CNOT4: variants seen among roughly 807,000 people sequenced by gnomAD.
CNOT4 encodes the protein CCR4-associated factor 4.
CNOT4 carries 8 observed loss-of-function variants against 73.8 expected under a neutral mutation model. That is an observed-to-expected ratio of 0.11 (90% CI 0.06 to 0.20). The LOEUF is 0.20. Among genes scored for constraint, CNOT4 ranks in the 10% least tolerant of loss-of-function variants. CNOT4 has a pLI of 1.00. For missense variants in CNOT4, 564 were observed against 883.4 expected (o/e 0.64, Z 4.58); for synonymous variants, 293 against 321.1 (o/e 0.91, Z 0.94).
chr7:135,461,711 A>T (rs1048464934), intron 1 of CNOT4, among the ~76,000 whole-genome samples: 4 of 152,076 alleles, frequency 2.6e-5, no homozygotes, highest in African/African-American at 9.7e-5. Context: ...GCACCCCTAT[A>T]ATTATGGCTA....
At chr7:135,396,774 A>C (rs1177777989) in intron 8 of CNOT4, among the ~76,000 whole-genome samples, 1 of 152,160 alleles carries the variant, frequency 6.6e-6, no homozygotes, top group African/African-American at 2.4e-5. Context: ...TTATCTCAAC[A>C]CTTACATCTT....
intron 7 of CNOT4, among the ~76,000 whole-genome samples, chr7:135,404,207 G>C (rs1183559134): frequency 2.6e-5 from 4 of 152,204 alleles, no homozygotes; most frequent in African/African-American, 9.7e-5. Context: ...GGAAGATTCT[G>C]AGATATAAAC....
intron 2 of CNOT4, among the ~76,000 whole-genome samples, chr7:135,434,070 C>T (rs566362888): frequency 6.6e-6 from 1 of 152,334 alleles, no homozygotes; most frequent in East Asian, 1.9e-4. Flanking sequence ...TAGCTCCCTA[C>T]TTGCATCTCC....
intron 10 of CNOT4, among the ~76,000 whole-genome samples, chr7:135,367,405 G>A (rs1794973204): frequency 6.6e-6 from 1 of 152,126 alleles, no homozygotes; most frequent in African/African-American, 2.4e-5. Context: ...TTGTAGATAG[G>A]TTGTATAAGG....
At chr7:135,434,668 C>T (rs972408832) in intron 2 of CNOT4, among the ~76,000 whole-genome samples, 4 of 152,106 alleles carry the variant, frequency 2.6e-5, no homozygotes, top group African/African-American at 9.7e-5. Flanking sequence ...TAACTGACAC[C>T]AAAATCTGTA....
intron 10 of CNOT4, among the ~76,000 whole-genome samples, chr7:135,370,978 C>T (rs1407488000): frequency 6.6e-6 from 1 of 152,148 alleles, no homozygotes; most frequent in Non-Finnish European, 1.5e-5. Context: ...TTATTAAAAA[C>T]AAATACTCCA....
Position 135,395,823 on chromosome 7 carries a change from G to C in CNOT4, c.940C>G (p.Pro314Ala). Reference protein sequence around the residue: ...PGLSKSNPVIPISSSNHSARS... With the variant: ...PGLSKSNPVIAISSSNHSARS... ...GCACTGTGATTGGATGAACTGATGG[G>C]GATGACTGGATTGGATTTTGACAAA... is the stretch of plus-strand genomic sequence containing the variant. Residue 314 changes from proline (P) to alanine (A), a missense_variant, in exon 9 of 12, where the codon CCC (proline) becomes GCC (alanine). This residue lies in a region of CNOT4 where 135 missense variants were observed against 154.0 expected (regional missense o/e 0.88). Transcript: ENST00000541284. 1 of 1,612,092 alleles carries C rather than the reference G, an allele frequency of 6.2e-7. No homozygotes were observed.
intron 1 of CNOT4, among the ~76,000 whole-genome samples, chr7:135,457,961 T>C (rs1433625057): frequency 1.3e-5 from 2 of 152,124 alleles, no homozygotes; most frequent in Non-Finnish European, 2.9e-5. Context: ...TCAATGAATA[T>C]TATATTCTAC....
intron 9 of CNOT4, 108 bp downstream of exon 9, chr7:135,395,526 G>A: frequency 7.9e-7 from 1 of 1,258,246 alleles, no homozygotes; most frequent in Non-Finnish European, 1.1e-6. Flanking sequence ...TATTAAAAGA[G>A]AACAGAGAGG....
At chr7:135,415,058 T>C in intron 4 of CNOT4, 118 bp downstream of exon 4, 2 of 686,156 alleles carry the variant, frequency 2.9e-6, no homozygotes, top group South Asian at 1.8e-5. Context: ...GGTCACTACA[T>C]TGCTTAAGTC....
intron 1 of CNOT4, among the ~76,000 whole-genome samples, chr7:135,469,245 T>C (rs538124115): frequency 6.6e-6 from 1 of 152,262 alleles, no homozygotes; most frequent in South Asian, 2.1e-4. Flanking sequence ...ATCTCTTTAG[T>C]GAACATATCT....
At chr7:135,493,236 GGCTAGGCTAGCCTTGAACTGA>G (rs1332081590) in intron 1 of CNOT4, among the ~76,000 whole-genome samples, 4 of 152,050 alleles carry the variant, frequency 2.6e-5, no homozygotes, top group Admixed American at 6.6e-5. Context: ...TCACTACGTA[GGCTAGGCTAGCCTTGAACTGA>G]GCTCAGGGAT....
chr7:135,376,732 T>C (rs1309864986), intron 10 of CNOT4, among the ~76,000 whole-genome samples: 1 of 152,230 alleles, frequency 6.6e-6, no homozygotes, highest in East Asian at 1.9e-4. Flanking sequence ...GTCAGTCTTA[T>C]CTTTTTCTAA....
intron 2 of CNOT4, among the ~76,000 whole-genome samples, chr7:135,433,904 C>T (rs1799002157): frequency 6.6e-6 from 1 of 152,150 alleles, no homozygotes; most frequent in South Asian, 2.1e-4. Flanking sequence ...TAGCCTGTGC[C>T]TGTGTTTAGC....
intron 10 of CNOT4, chr7:135,386,115 C>T (rs567233486): frequency 8.6e-5 from 13 of 150,934 alleles, no homozygotes; most frequent in African/African-American, 3.2e-4. Context: ...GGACTCTATT[C>T]CCTAAAGTGG....
intron 2 of CNOT4, among the ~76,000 whole-genome samples, chr7:135,426,501 G>A (rs1340236708): frequency 1.3e-4 from 20 of 151,936 alleles, no homozygotes; most frequent in African/African-American, 4.8e-4. Context: ...TACTCAGAAG[G>A]CTGGAGCAGG....
intron 1 of CNOT4, among the ~76,000 whole-genome samples, chr7:135,467,296 T>G (rs1360760796): frequency 1.3e-5 from 2 of 152,206 alleles, no homozygotes; most frequent in African/African-American, 4.8e-5. Flanking sequence ...ATTTATCAAC[T>G]ACGGTCTAAA....
At chr7:135,484,355 G>A (rs545711964) in intron 1 of CNOT4, among the ~76,000 whole-genome samples, 191 of 151,964 alleles carry the variant, frequency 1.3e-3, no homozygotes, top group African/African-American at 4.5e-3. Context: ...TAGAACAGAA[G>A]AAAAAATCTG....
At chr7:135,439,885 A>T (rs1183505587) in intron 1 of CNOT4, among the ~76,000 whole-genome samples, 1 of 152,188 alleles carries the variant, frequency 6.6e-6, no homozygotes, top group African/African-American at 2.4e-5. Context: ...CAGTGATGGG[A>T]CACTGGGCTA....
Sources: allele counts gnomAD v4.1 joint callset (sites outside exome capture counted in the v4.1 genomes callset), GRCh38; gene constraint gnomAD v4.1.1; regional missense constraint gnomAD v4.1.1; transcripts MANE v1.5; gene names NCBI Gene and HGNC (gene_info 2026-07-23, HGNC 2026-07-21).